Variants in UTRN observed in about 807,000 individuals in gnomAD.
The protein encoded by UTRN is dystrophin-related protein 1.
Under a neutral mutation model 463.9 loss-of-function variants are expected in UTRN, and 283 were observed. The observed-to-expected ratio is 0.61, with a 90% CI of 0.55 to 0.67. The LOEUF is 0.67. UTRN is among the 30% of genes least tolerant of loss of function. The pLI is 0.00. For synonymous variants in UTRN, 1,442 were observed against 1,431.5 expected (o/e 1.01, Z -0.17); for missense variants, 3,922 against 4,084.3 (o/e 0.96, Z 1.08).
At chr6:144,495,592 A>G (rs1410490419) in intron 33 of UTRN, among the ~76,000 whole-genome samples, 1 of 152,236 alleles carries the variant, frequency 6.6e-6, no homozygotes, top group Non-Finnish European at 1.5e-5. Context: ...GGGTTCCCAC[A>G]GTGCAGCGGT....
intron 51 of UTRN, among the ~76,000 whole-genome samples, chr6:144,578,059 C>T (rs764492478): frequency 3.3e-5 from 5 of 151,962 alleles, no homozygotes; most frequent in Non-Finnish European, 5.9e-5. Flanking sequence ...AAAAATTAGT[C>T]GGGCGTGGTG....
chr6:144,728,162 T>C (rs1040478362), intron 53 of UTRN, among the ~76,000 whole-genome samples: 4 of 152,000 alleles, frequency 2.6e-5, no homozygotes, highest in Admixed American at 2.6e-4. Context: ...ATTTGGATTT[T>C]GGAAATATCT....
intron 15 of UTRN, 95 bp downstream of exon 15, chr6:144,447,413 C>T: frequency 7.4e-7 from 1 of 1,354,782 alleles, no homozygotes; most frequent in Non-Finnish European, 1.0e-6. Context: ...ATGCAGATTA[C>T]AGCTCATTAC....
chr6:144,821,369 C>T (rs1779588822), intron 66 of UTRN, among the ~76,000 whole-genome samples: 1 of 151,552 alleles, frequency 6.6e-6, no homozygotes, highest in African/African-American at 2.4e-5. Context: ...TTTTTTTCCC[C>T]TTATGGGGGG....
intron 34 of UTRN, among the ~76,000 whole-genome samples, chr6:144,510,438 T>C (rs995964918): frequency 1.3e-5 from 2 of 152,196 alleles, no homozygotes; most frequent in African/African-American, 4.8e-5. Context: ...TTATTCAGTA[T>C]ATTATATGTG....
chr6:144,746,167 AT>A (rs969566763), intron 54 of UTRN, among the ~76,000 whole-genome samples: 2 of 151,596 alleles, frequency 1.3e-5, no homozygotes, highest in Non-Finnish European at 1.5e-5. Context: ...TACCCAGCTA[AT>A]TTTTTCGTAT....
intron 2 of UTRN, among the ~76,000 whole-genome samples, chr6:144,358,468 C>A (rs765178137): frequency 3.3e-5 from 5 of 152,172 alleles, no homozygotes; most frequent in Admixed American, 6.5e-5. Flanking sequence ...GAGGTAGATA[C>A]AACATTTAGA....
intron 49 of UTRN, among the ~76,000 whole-genome samples, chr6:144,556,884 G>T (rs1799436437): frequency 6.6e-6 from 1 of 152,130 alleles, no homozygotes; most frequent in Non-Finnish European, 1.5e-5. Context: ...AAGACAAATG[G>T]TTTGAGGAAG....
At position 144,353,118 on chromosome 6, in the gene UTRN, A is replaced by AT. The variant is rs112331196; in HGVS notation, c.80-49995dup. On this transcript the variant is annotated intron_variant, in intron 2 of 74. Transcript: ENST00000367545. Reference sequence around the variant, plus strand: ...CCACCACGCTCAGCTCATTTTTCGGATTTTTTTTTTATTTGGGTAAGAGTC... The same window carrying AT: ...CCACCACGCTCAGCTCATTTTTCGGATTTTTTTTTTTATTTGGGTAAGAGTC... 5.1e-3 allele frequency among the ~76,000 whole-genome samples: 752 copies of AT among 147,580 alleles called. 6 individuals are homozygous for AT. Among genetic ancestry groups the AT allele is most frequent in the African/African-American group, 0.016 (633 of 40,184 alleles).
intron 69 of UTRN, among the ~76,000 whole-genome samples, chr6:144,833,111 T>C (rs1482883020): frequency 6.6e-6 from 1 of 152,224 alleles, no homozygotes; most frequent in Non-Finnish European, 1.5e-5. Context: ...TGAGCCACCG[T>C]GCCCAGCCAA....
intron 51 of UTRN, among the ~76,000 whole-genome samples, chr6:144,633,433 C>A (rs913060346): frequency 6.6e-6 from 1 of 151,988 alleles, no homozygotes; most frequent in African/African-American, 2.4e-5. Context: ...GGCGTTTCAC[C>A]GTTTTAGCCA....
At chr6:144,588,608 A>G (rs1449804483) in intron 51 of UTRN, among the ~76,000 whole-genome samples, 1 of 152,220 alleles carries the variant, frequency 6.6e-6, no homozygotes, top group Non-Finnish European at 1.5e-5. Flanking sequence ...TTTTATTTGT[A>G]GAGTATTATT....
intron 51 of UTRN, among the ~76,000 whole-genome samples, chr6:144,663,895 G>A (rs890449334): frequency 6.6e-6 from 1 of 152,160 alleles, no homozygotes; most frequent in African/African-American, 2.4e-5. Flanking sequence ...ATAAGATATA[G>A]TAAACACATT....
intron 52 of UTRN, among the ~76,000 whole-genome samples, chr6:144,689,519 G>A (rs1191653022): frequency 1.3e-5 from 2 of 152,172 alleles, no homozygotes; most frequent in Admixed American, 1.3e-4. Flanking sequence ...CTTTCCCCTA[G>A]GAGGAGGAAT....
At chr6:144,600,734 T>C (rs1396545268) in intron 51 of UTRN, among the ~76,000 whole-genome samples, 1 of 152,222 alleles carries the variant, frequency 6.6e-6, no homozygotes, top group East Asian at 1.9e-4. Flanking sequence ...AGATAATAGA[T>C]GAAGGTGGCT....
intron 9 of UTRN, among the ~76,000 whole-genome samples, chr6:144,435,165 A>T (rs1451554466): frequency 6.6e-6 from 1 of 152,200 alleles, no homozygotes; most frequent in Non-Finnish European, 1.5e-5. Context: ...GTACATTTGA[A>T]ATATTGTACT....
chr6:144,301,859 C>T (rs1430511269), intron 2 of UTRN, among the ~76,000 whole-genome samples: 1 of 151,962 alleles, frequency 6.6e-6, no homozygotes, highest in Non-Finnish European at 1.5e-5. Context: ...AACAGCACTG[C>T]CCCACCCTCC....
intron 58 of UTRN, among the ~76,000 whole-genome samples, chr6:144,766,685 G>A (rs1793384707): frequency 6.6e-6 from 1 of 151,884 alleles, no homozygotes; most frequent in Non-Finnish European, 1.5e-5. Context: ...GTGGTGAATG[G>A]GACACGAGGA....
chr6:144,658,875 C>T (rs1779587301), intron 51 of UTRN, among the ~76,000 whole-genome samples: 1 of 152,104 alleles, frequency 6.6e-6, no homozygotes. Flanking sequence ...CTCTGAGTGC[C>T]AGTAGTAATT....
Sources: allele counts gnomAD v4.1 joint callset (sites outside exome capture counted in the v4.1 genomes callset), GRCh38; gene constraint gnomAD v4.1.1; transcripts MANE v1.5; gene names NCBI Gene and HGNC (gene_info 2026-07-23, HGNC 2026-07-21).